Variants in A1BG observed in about 807,000 individuals in gnomAD.
A1BG encodes the protein alpha-1B-glycoprotein.
In A1BG, 44 loss-of-function variants were observed where a neutral mutation model predicts 46.0. The observed-to-expected ratio is 0.96, with a 90% CI of 0.75 to 1.23. The LOEUF (loss-of-function observed/expected upper bound fraction) is 1.23. Among genes scored for constraint, A1BG ranks in the 50% most tolerant of loss-of-function variants. The probability of loss-of-function intolerance (pLI) is 0.00; values close to 1 mark genes in which losing one functional copy is unlikely to be tolerated. For missense variants in A1BG, 707 were observed against 688.8 expected, an observed-to-expected ratio of 1.03 and a Z score of -0.30; for synonymous variants, 316 against 314.7, an observed-to-expected ratio of 1.00 and a Z score of -0.04.
At position 58,350,529 on chromosome 19, in the gene A1BG, G is replaced by T; in HGVS notation, c.1033C>A (p.Arg345Ser). Residue 345 changes from arginine (R) to serine (S), a missense_variant, in exon 6 of 8, where the codon CGC (arginine) becomes AGC (serine). Coordinates refer to ENST00000263100, the MANE Select transcript of A1BG (RefSeq NM_130786.4). ...GCGGGGCTCTGGAAACGGTGCACGC[G>T]GCGCCCGCCCCTGTCCTCGCGCACC... is the stretch of plus-strand genomic sequence containing the variant. Reference protein sequence around the residue: ...ALVREDRGGRRVHRFQSPAGT... With the variant: ...ALVREDRGGRSVHRFQSPAGT... 6.4e-7 allele frequency: 1 copy of T among 1,550,566 alleles called. No homozygotes were observed. Among genetic ancestry groups the T allele is most frequent in the Non-Finnish European group, 8.7e-7 (1 of 1,147,312 alleles).
chr19:58,347,538 A>G lies in A1BG; in HGVS notation c.1295T>C (p.Phe432Ser), dbSNP rs748725174. 6.3e-7 allele frequency: 1 copy of G among 1,575,274 alleles called. No homozygotes were observed. Among genetic ancestry groups the G allele is most frequent in the South Asian group, 1.1e-5 (1 of 87,894 alleles). The change falls in exon 7 of 8, where the codon TTC (phenylalanine) becomes TCC (serine). Residue 432 changes from phenylalanine (F) to serine (S), a missense_variant. Coordinates refer to ENST00000263100, the MANE Select transcript of A1BG (RefSeq NM_130786.4). ...RCEGPIPDVT[F>S]ELLREGETKA... The stretch of plus-strand genomic sequence containing the variant: ...CGTCTCGCCCTCGCGCAGCAGCTCG[A>G]AGGTGACGTCGGGGATGGGTCCCTC...
At position 58,353,321 on chromosome 19, in the gene A1BG, G is replaced by A; in HGVS notation, c.41C>T (p.Thr14Ile). 2 of 1,612,496 alleles carry A rather than the reference G, an allele frequency of 1.2e-6. No homozygotes were observed. The highest frequency in any genetic ancestry group is 1.7e-6 in the Non-Finnish European group (2 of 1,179,396). Reference protein sequence around the residue: ...LVVFLLLWGVTWGPVTEAAIF... With the variant: ...LVVFLLLWGVIWGPVTEAAIF... Reference sequence around the variant, plus strand: ...GGCTGCTTCTGTCACTGGGCCCCAGGTGACACCTGCGGAGACAGCCCCCGT... The same window carrying A: ...GGCTGCTTCTGTCACTGGGCCCCAGATGACACCTGCGGAGACAGCCCCCGT... The change falls in exon 2 of 8, where the codon ACC becomes ATC. Residue 14 changes from threonine (T) to isoleucine (I), a missense_variant. Physicochemically the swap from Thr to Ile is moderately conservative, Grantham distance 89. Coordinates refer to ENST00000263100, the MANE Select transcript of A1BG (RefSeq NM_130786.4).
Position 58,353,072 on chromosome 19 carries a change from C to T in A1BG, c.196G>A (p.Ala66Thr), listed in dbSNP as rs374428191. ...GAGTCAAGGTGCACAGGCTCCTGGG[C>T]CACCCCATTCTTGAACAGCTGGAAG... ...PDFQLFKNGV[A>T]QEPVHLDSPA... Residue 66 changes from alanine (A) to threonine (T), a missense_variant, in exon 3 of 8, where the codon GCC (alanine) becomes ACC (threonine). By Grantham distance (58) the Ala-to-Thr change is moderately conservative. Coordinates refer to ENST00000263100, the MANE Select transcript of A1BG (RefSeq NM_130786.4). 1.7e-5 allele frequency: 27 copies of T among 1,614,136 alleles called. No individual in the cohort carries two copies. Among genetic ancestry groups the T allele is most frequent in the Non-Finnish European group, 2.3e-5 (27 of 1,180,018 alleles).
chr19:58,351,791 C>CTTT, intron 4 of A1BG, 104 bp from the exon 5 acceptor site: 1 of 978,908 alleles, frequency 1.0e-6, no homozygotes, highest in Non-Finnish European at 1.4e-6. Flanking sequence ...AACACCCTTC[C>CTTT]ATTCTTTTTT....
At chr19:58,348,868 A>T (rs1314611236) in intron 6 of A1BG, 1 of 152,492 alleles carries the variant, frequency 6.6e-6, no homozygotes, top group Non-Finnish European at 1.5e-5. Context: ...TCTTAATTCT[A>T]ACAGGAGAGT....
chr19:58,351,519 C>T lies in A1BG; in HGVS notation c.782G>A (p.Arg261His), dbSNP rs1258915234. 14 of 1,613,794 alleles carry T rather than the reference C, an allele frequency of 8.7e-6. No individual in the cohort carries two copies. The African/African-American group carries it at 1.2e-4, about 14-fold the overall frequency. The change falls in exon 5 of 8, where the codon CGC becomes CAC. Residue 261 changes from arginine to histidine, a missense_variant. Coordinates refer to ENST00000263100, the MANE Select transcript of A1BG (RefSeq NM_130786.4). ...CACCGCGTTCAGGTGAAAGAAGATG[C>T]GATCTGGGCTGGTGCTGCTCCTGGG... is the stretch of plus-strand genomic sequence containing the variant. ...LVPRSSTSPD[R>H]IFFHLNAVAL...
chr19:58,350,412 C>T lies in A1BG; in HGVS notation c.1150G>A (p.Gly384Arg), dbSNP rs1346450729. ...CVYVDLKPPFGGSAPSERLEL... is the reference protein window; with the variant it reads ...CVYVDLKPPFRGSAPSERLEL... The stretch of plus-strand genomic sequence containing the variant: ...AAGCGCTCGCTGGGCGCGGAGCCCC[C>T]GAAAGGCGGCTTCAGGTCCACGTAG... The change falls in exon 6 of 8, where the codon GGG (glycine) becomes AGG (arginine). Residue 384 changes from glycine (G) to arginine (R), a missense_variant. Gly to Arg is a moderately radical substitution (Grantham distance 125). Transcript: ENST00000263100. 4 of 1,549,928 alleles carry T rather than the reference C, an allele frequency of 2.6e-6. No homozygotes were observed. The African/African-American group carries it at 5.5e-5, about 21-fold the overall frequency.
chr19:58,345,967 T>A lies in A1BG; in HGVS notation c.*1055A>T, dbSNP rs2051911419. On this transcript the variant is annotated 3_prime_UTR_variant, in exon 8 of 8. Coordinates refer to ENST00000263100, the MANE Select transcript of A1BG (RefSeq NM_130786.4). The stretch of plus-strand genomic sequence containing the variant: ...GCAGTGGTTGGGAAGGCATCAGATG[T>A]CAGATGGCACAAGAGGACTCAGAGC... The A allele has an allele frequency of 6.6e-6, 1 of 152,286 alleles. No individual in the cohort carries two copies. The highest frequency in any genetic ancestry group is 1.5e-5 in the Non-Finnish European group (1 of 68,090). 9.4% of individuals were successfully genotyped at this position (152,286 alleles called of 1,614,324 possible).
intron 5 of A1BG, chr19:58,351,082 G>C: frequency 2.0e-6 from 1 of 510,788 alleles, no homozygotes; most frequent in South Asian, 2.5e-5. Context: ...CAAGGCAAGC[G>C]AGCGGAGGAG....
At chr19:58,353,375 C>G in intron 1 of A1BG, 29 bp downstream of exon 1, 1 of 1,612,002 alleles carries the variant, frequency 6.2e-7, no homozygotes, top group South Asian at 1.1e-5. Context: ...CCCTCCCGCC[C>G]CAGGGACCCA....
chr19:58,352,310 T>G lies in A1BG; in HGVS notation c.586A>C (p.Ser196Arg), dbSNP rs2051967858. Residue 196 changes from serine to arginine, a missense_variant, in exon 4 of 8, where the codon AGC becomes CGC. Ser to Arg is a moderately radical substitution (Grantham distance 110, BLOSUM62 -1). Coordinates refer to ENST00000263100, the MANE Select transcript of A1BG (RefSeq NM_130786.4). ...AGCTCCTCAATGGTCACAGTAGCGC[T>G]GGGCTCAGAGAGGGCGCCTTCCCCA... ...TDGEGALSEP[S>R]ATVTIEELAA... 6.2e-7 allele frequency: 1 copy of G among 1,613,900 alleles called. No individual in the cohort carries two copies. Among genetic ancestry groups the G allele is most frequent in the Admixed American group, 1.7e-5 (1 of 60,006 alleles).
chr19:58,347,495 G>T lies in A1BG; in HGVS notation c.1338C>A (p.Val446=), dbSNP rs772616148. The change falls in exon 7 of 8, where the codon GTC becomes GTA. Residue 446 remains valine (V), a synonymous_variant. Transcript: ENST00000263100. ...GGTTCGCCGCGGCCCCGGGGGTGCG[G>T]ACCGTCTTCACGGCCTTCGTCTCGC... ...REGETKAVKT[V]RTPGAAANLE... 1 of 1,595,130 alleles carries T rather than the reference G, an allele frequency of 6.3e-7. No individual in the cohort carries two copies. The highest frequency in any genetic ancestry group is 8.5e-7 in the Non-Finnish European group (1 of 1,169,636).
chr19:58,347,526 C>A lies in A1BG; in HGVS notation c.1307G>T (p.Arg436Leu). 6.3e-7 allele frequency: 1 copy of A among 1,579,328 alleles called. No homozygotes were observed. ...PIPDVTFELLREGETKAVKTV... is the reference protein window; with the variant it reads ...PIPDVTFELLLEGETKAVKTV... Reference sequence around the variant, plus strand: ...CTTCACGGCCTTCGTCTCGCCCTCGCGCAGCAGCTCGAAGGTGACGTCGGG... The same window carrying A: ...CTTCACGGCCTTCGTCTCGCCCTCGAGCAGCAGCTCGAAGGTGACGTCGGG... The change falls in exon 7 of 8, where the codon CGC becomes CTC. Residue 436 changes from arginine to leucine, a missense_variant. Physicochemically the swap from Arg to Leu is moderately radical, Grantham distance 102. Transcript: ENST00000263100.
In A1BG at chr19:58,350,420, G is replaced by T. The variant is rs752162727; in HGVS notation, c.1142C>A (p.Pro381Gln). ...GCTGGGCGCGGAGCCCCCGAAAGGC[G>T]GCTTCAGGTCCACGTAGACGCAGCT... ...NYSCVYVDLKPPFGGSAPSER... is the reference protein window; with the variant it reads ...NYSCVYVDLKQPFGGSAPSER... The change falls in exon 6 of 8, where the codon CCG becomes CAG. Residue 381 changes from proline to glutamine, a missense_variant. Coordinates refer to ENST00000263100, the MANE Select transcript of A1BG (RefSeq NM_130786.4). 3 of 1,550,616 alleles carry T rather than the reference G, an allele frequency of 1.9e-6. No individual in the cohort carries two copies. In the Admixed American group the frequency reaches 5.9e-5, roughly 30 times the overall value.
chr19:58,353,113 T>C lies in A1BG; in HGVS notation c.155A>G (p.His52Arg), dbSNP rs893184. ...CAGCTGGAAGTCTGGAGTCTCCAGG[T>C]GGGCCTGGCACGTCAGCGTCACATT... ...LANVTLTCQA[H>R]LETPDFQLFK... is the part of the protein sequence containing the mutation. Residue 52 changes from histidine (H) to arginine (R), a missense_variant, in exon 3 of 8, where the codon CAC (histidine) becomes CGC (arginine). His to Arg is a conservative substitution (Grantham distance 29). Transcript: ENST00000263100. The C allele has an allele frequency of 0.93, 1,502,699 of 1,614,066 alleles. 701,710 individuals are homozygous for C. The highest frequency in any genetic ancestry group is 0.95 in the Non-Finnish European group (1,122,778 of 1,180,022).
intron 5 of A1BG, chr19:58,350,857 ATTTG>A (rs2051951553): frequency 1.0e-5 from 5 of 481,464 alleles, no homozygotes; most frequent in South Asian, 1.1e-4. Context: ...TTTCTTAGTA[ATTTG>A]TTTGTCTACA....
rs2051910186 is a variant in A1BG, at chr19:58,345,728, A to C, written c.*1294T>G. The C allele has an allele frequency of 6.6e-6, 1 of 152,322 alleles. No homozygotes were observed. The highest frequency in any genetic ancestry group is 2.4e-5 in the African/African-American group (1 of 41,446). The allele number at this position is 152,322 out of a possible 1,614,324, so 9.4% of individuals were successfully genotyped here. On this transcript the variant is annotated 3_prime_UTR_variant, in exon 8 of 8. Coordinates refer to ENST00000263100, the MANE Select transcript of A1BG (RefSeq NM_130786.4). ...GATAAACCACTAGCAAGAAAGAGAG[A>C]GAGGACACATCAGGCTTGAGAGAAG...
chr19:58,351,450 T>C lies in A1BG; in HGVS notation c.851A>G (p.His284Arg), dbSNP rs2051957526. 1.2e-6 allele frequency: 2 copies of C among 1,613,862 alleles called. No homozygotes were observed. The highest frequency in any genetic ancestry group is 2.7e-5 in the African/African-American group (2 of 75,064). ...GGHYTCRYRLHDNQNGWSGDS... is the reference protein window; with the variant it reads ...GGHYTCRYRLRDNQNGWSGDS... ...CCCGGACCAGCCGTTTTGGTTGTCA[T>C]GCAGCCGGTAGCGGCAGGTGTAGTG... Residue 284 changes from histidine (H) to arginine (R), a missense_variant, in exon 5 of 8, where the codon CAT becomes CGT. Coordinates refer to ENST00000263100, the MANE Select transcript of A1BG (RefSeq NM_130786.4).
intron 6 of A1BG, among the ~76,000 whole-genome samples, chr19:58,349,305 C>T (rs1286244592): frequency 6.6e-6 from 1 of 152,064 alleles, no homozygotes; most frequent in Non-Finnish European, 1.5e-5. Flanking sequence ...CGTGAGCCAC[C>T]TTGCCTGGCC....
Sources: gnomAD v4.1 joint callset for allele counts (sites outside exome capture counted in the v4.1 genomes callset) on GRCh38, gnomAD v4.1.1 for gene constraint, MANE v1.5 for transcripts, NCBI Gene and HGNC (gene_info 2026-07-23, HGNC 2026-07-21) for gene names.